PDS5B: variants seen among roughly 807,000 people sequenced by gnomAD.
The protein encoded by PDS5B is PDS5 cohesin associated factor B, also known as sister chromatid cohesion protein PDS5 homolog B.
Under a neutral mutation model 184.1 loss-of-function variants are expected in PDS5B, and 51 were observed. The ratio of observed to expected loss-of-function variants is 0.28; its 90% CI spans 0.22 to 0.35. The LOEUF is 0.35. Among genes scored for constraint, PDS5B ranks in the 10% least tolerant of loss-of-function variants. PDS5B has a pLI of 1.00. For missense variants in PDS5B, 1,180 were observed against 1,723.3 expected, an observed-to-expected ratio of 0.68 and a Z score of 5.58; for synonymous variants, 566 against 569.2, an observed-to-expected ratio of 0.99 and a Z score of 0.08.
intron 6 of PDS5B, among the ~76,000 whole-genome samples, chr13:32,663,750 A>G (rs966781020): frequency 3.3e-5 from 5 of 152,206 alleles, no homozygotes; most frequent in African/African-American, 1.2e-4. Flanking sequence ...TTTGGGGTAC[A>G]GGTGGTTTTT....
chr13:32,657,947 G>A (rs1950556410), intron 3 of PDS5B, among the ~76,000 whole-genome samples: 1 of 152,028 alleles, frequency 6.6e-6, no homozygotes, highest in Admixed American at 6.6e-5. Flanking sequence ...ATAAATTTTA[G>A]CTATCTCACT....
Position 32,775,263 on chromosome 13 carries a change from G to T in PDS5B, c.*211G>T. 1.8e-6 allele frequency: 1 copy of T among 567,292 alleles called. No individual in the cohort carries two copies. The highest frequency in any genetic ancestry group is 3.1e-6 in the Non-Finnish European group (1 of 319,358). 35.1% of individuals were successfully genotyped at this position (567,292 alleles called of 1,614,324 possible). On this transcript the variant is annotated 3_prime_UTR_variant, in exon 35 of 35. Coordinates refer to ENST00000315596, the MANE Select transcript of PDS5B (RefSeq NM_015032.4). The stretch of plus-strand genomic sequence containing the variant: ...ACATTGACTATGGAGTCTTGTGAAA[G>T]TGTAATGTGCGATGGCTATGTAGAC...
intron 3 of PDS5B, among the ~76,000 whole-genome samples, chr13:32,657,091 C>T (rs939728927): frequency 1.3e-5 from 2 of 152,158 alleles, no homozygotes; most frequent in Non-Finnish European, 1.5e-5. Flanking sequence ...GTCTGTTAGG[C>T]CCATTTGGTC....
chr13:32,620,074 C>T (rs2058275590), intron 1 of PDS5B, among the ~76,000 whole-genome samples: 1 of 152,074 alleles, frequency 6.6e-6, no homozygotes, highest in Non-Finnish European at 1.5e-5. Flanking sequence ...GCTAGGATTA[C>T]AGTCATGAGC....
chr13:32,714,650 A>G (rs536367153), intron 19 of PDS5B, among the ~76,000 whole-genome samples: 76 of 152,228 alleles, frequency 5.0e-4, no homozygotes, highest in Admixed American at 9.8e-4. Context: ...TATTTCTCCC[A>G]TTTGCTTTTG....
intron 3 of PDS5B, 106 bp downstream of exon 3, chr13:32,652,113 A>G (rs1950379634): frequency 1.3e-6 from 1 of 776,534 alleles, no homozygotes; most frequent in Non-Finnish European, 2.2e-6. Flanking sequence ...ATTCTTTGAC[A>G]TTAGCTACAG....
At chr13:32,736,102 C>T (rs998290981) in intron 21 of PDS5B, among the ~76,000 whole-genome samples, 2 of 152,138 alleles carry the variant, frequency 1.3e-5, no homozygotes, top group African/African-American at 2.4e-5. Flanking sequence ...CAGTATAGCA[C>T]AAGGAACTTC....
intron 1 of PDS5B, among the ~76,000 whole-genome samples, chr13:32,602,498 T>C (rs1489779045): frequency 2.6e-5 from 4 of 152,234 alleles, no homozygotes; most frequent in Admixed American, 1.3e-4. Context: ...AGTCTATCTT[T>C]GATGGACATT....
intron 19 of PDS5B, among the ~76,000 whole-genome samples, chr13:32,710,734 G>T (rs1952178119): frequency 6.6e-6 from 1 of 152,124 alleles, no homozygotes; most frequent in Non-Finnish European, 1.5e-5. Context: ...TCTGATACTG[G>T]CGTAGTCATA....
chr13:32,713,282 CT>C (rs1172344259), intron 19 of PDS5B, among the ~76,000 whole-genome samples: 6 of 152,126 alleles, frequency 3.9e-5, no homozygotes, highest in Non-Finnish European at 7.4e-5. Flanking sequence ...GCTAACTATA[CT>C]TTTGTTTAAA....
chr13:32,732,052 C>T (rs761692372), intron 19 of PDS5B, 49 bp from the exon 20 acceptor site: 1 of 1,491,298 alleles, frequency 6.7e-7, no homozygotes, highest in Admixed American at 1.9e-5. Flanking sequence ...TAGCAGAAGT[C>T]TTGTTGATTT....
intron 31 of PDS5B, among the ~76,000 whole-genome samples, chr13:32,768,804 AAAG>A (rs1954673923): frequency 1.8e-5 from 1 of 56,218 alleles, no homozygotes; most frequent in Non-Finnish European, 4.8e-5. Context: ...AAAAAAAAAA[AAAG>A]AAAAAAAAAA....
intron 33 of PDS5B, chr13:32,771,199 A>G (rs1566433818): frequency 1.3e-5 from 2 of 154,608 alleles, no homozygotes; most frequent in African/African-American, 2.4e-5. Context: ...AACAGGTACC[A>G]TTTTTTAAAA....
intron 6 of PDS5B, 63 bp from the exon 7 acceptor site, chr13:32,667,701 C>A: frequency 1.1e-6 from 1 of 885,644 alleles, no homozygotes; most frequent in Non-Finnish European, 1.7e-6. Flanking sequence ...ATTTTGAATA[C>A]AGGTAATATT....
intron 13 of PDS5B, among the ~76,000 whole-genome samples, chr13:32,693,514 T>G (rs959171349): frequency 1.3e-5 from 2 of 151,758 alleles, no homozygotes; most frequent in African/African-American, 2.4e-5. Context: ...GCTTCATATG[T>G]ATGGTAATAG....
chr13:32,731,144 T>C (rs1953107869), intron 19 of PDS5B, among the ~76,000 whole-genome samples: 1 of 152,162 alleles, frequency 6.6e-6, no homozygotes, highest in African/African-American at 2.4e-5. Flanking sequence ...TCTCCATTTT[T>C]AGGCCTTTAC....
intron 27 of PDS5B, 42 bp downstream of exon 27, chr13:32,758,261 T>C: frequency 7.1e-7 from 1 of 1,414,632 alleles, no homozygotes. Flanking sequence ...CATATTGATT[T>C]AAAAATTTAG....
chr13:32,696,510 T>A (rs1951708285), intron 14 of PDS5B, among the ~76,000 whole-genome samples: 1 of 151,776 alleles, frequency 6.6e-6, no homozygotes, highest in African/African-American at 2.4e-5. Flanking sequence ...AATTCTCAGG[T>A]CTAAACATTG....
At chr13:32,597,291 C>T (rs1277294270) in intron 1 of PDS5B, among the ~76,000 whole-genome samples, 2 of 151,702 alleles carry the variant, frequency 1.3e-5, no homozygotes, top group Non-Finnish European at 2.9e-5. Flanking sequence ...GATCTTCCTG[C>T]CTCAGCCTCC....
Sources: allele counts gnomAD v4.1 joint callset (sites outside exome capture counted in the v4.1 genomes callset), GRCh38; gene constraint gnomAD v4.1.1; transcripts MANE v1.5; gene names NCBI Gene and HGNC (gene_info 2026-07-23, HGNC 2026-07-21).